Variants in POLD3 observed in about 807,000 individuals in gnomAD.
POLD3 encodes the protein DNA polymerase delta 3, accessory subunit, also known as DNA polymerase delta subunit 3.
A neutral mutation model predicts 58.2 loss-of-function variants in POLD3; 19 were observed. The ratio of observed to expected loss-of-function variants is 0.33; its 90% confidence interval spans 0.23 to 0.48. The LOEUF (loss-of-function observed/expected upper bound fraction) is 0.48. Ranked by LOEUF, POLD3 falls within the 20% of genes least tolerant of loss-of-function variation. The probability of loss-of-function intolerance (pLI) is 0.99; values close to 1 mark genes in which losing one functional copy is unlikely to be tolerated. For synonymous variants in POLD3, 172 were observed against 193.5 expected (o/e 0.89, Z 0.92); for missense variants, 504 against 545.5 (o/e 0.92, Z 0.76).
intron 4 of POLD3, among the ~76,000 whole-genome samples, chr11:74,653,333 A>ACACACACACACACG (rs58331480): frequency 1.2e-3 from 178 of 151,714 alleles, no homozygotes; most frequent in African/African-American, 4.1e-3. Context: ...ACACACACAC[A>ACACACACACACACG]TAGTGTGGTC....
intron 5 of POLD3, among the ~76,000 whole-genome samples, chr11:74,613,736 T>G (rs867672679): frequency 1.3e-5 from 2 of 152,206 alleles, no homozygotes; most frequent in Non-Finnish European, 2.9e-5. Flanking sequence ...AAATAACTCA[T>G]GAGTACCTAT....
At position 74,592,732 on chromosome 11, in the gene POLD3, A is replaced by C. The variant is rs772604259; in HGVS notation, c.60+14A>C. 1 of 1,613,868 alleles carries C rather than the reference A, an allele frequency of 6.2e-7. No homozygotes were observed. The highest frequency in any genetic ancestry group is 8.5e-7 in the Non-Finnish European group (1 of 1,179,856). On this transcript the variant is annotated intron_variant, in intron 1 of 11. Coordinates refer to ENST00000263681, the MANE Select transcript of POLD3 (RefSeq NM_006591.3). ...CAAAACAAGATCGTGAGCAGCTACTACTGGGGAACGCGGGCGTGCGACCGG... is the reference window on the plus strand; with the variant it reads ...CAAAACAAGATCGTGAGCAGCTACTCCTGGGGAACGCGGGCGTGCGACCGG...
In POLD3 at chr11:74,642,187, CT is replaced by C. The variant is rs1290287689; in HGVS notation, c.*1424del. 8 of 985,320 alleles carry C rather than the reference CT, an allele frequency of 8.1e-6. No homozygotes were observed. Among genetic ancestry groups the C allele is most frequent in the Middle Eastern group, 5.2e-4 (1 of 1,936 alleles). 61.0% of individuals were successfully genotyped at this position (985,320 alleles called of 1,614,324 possible). On this transcript the variant is annotated 3_prime_UTR_variant, in exon 12 of 12. Transcript: ENST00000263681. ...CTGACTTTGGGATTAACATGAGCTT[CT>C]TTAGCAACCAAGCATGAACTTGATT... is the stretch of plus-strand genomic sequence containing the variant.
chr11:74,637,894 C>G (rs958186787), intron 11 of POLD3, among the ~76,000 whole-genome samples: 19 of 151,742 alleles, frequency 1.3e-4, no homozygotes, highest in African/African-American at 4.6e-4. Flanking sequence ...CTGCTTTCCT[C>G]TCTCTGCTCA....
intron 3 of POLD3, among the ~76,000 whole-genome samples, chr11:74,607,251 T>C (rs1237538027): frequency 7.1e-6 from 1 of 140,034 alleles, no homozygotes; most frequent in African/African-American, 2.7e-5. Context: ...TATATATTTA[T>C]TTATTTATTT....
rs1165411033 is a variant in POLD3 at position 74,634,613 on chromosome 11, C to T, written c.1037C>T (p.Ala346Val). ...VFPDSPGAYE[A>V]ESPSPPPPPS... ...CCAGACTCTCCTGGGGCTTATGAAG[C>T]TGAGTCACCATCCCCACCTCCTCCT... is the stretch of plus-strand genomic sequence containing the variant. Residue 346 changes from alanine (A) to valine (V), a missense_variant, in exon 10 of 12, where the codon GCT becomes GTT. By Grantham distance (64) the Ala-to-Val change is moderately conservative. This residue lies in a region of POLD3 where 385 missense variants were observed against 370.5 expected (regional missense o/e 1.04). Transcript: ENST00000263681. 1.2e-6 allele frequency: 2 copies of T among 1,611,556 alleles called. No homozygotes were observed. Among genetic ancestry groups the T allele is most frequent in the Non-Finnish European group, 1.7e-6 (2 of 1,177,770 alleles).
At chr11:74,646,269 G>A (rs1289109050), downstream of POLD3, among the ~76,000 whole-genome samples, 5 of 152,084 alleles carry the variant, frequency 3.3e-5, no homozygotes, top group East Asian at 1.9e-4. Context: ...CACCGCGCCC[G>A]GCCTGATTTT....
At chr11:74,612,202 T>G (rs888396442) in intron 4 of POLD3, among the ~76,000 whole-genome samples, 3 of 152,160 alleles carry the variant, frequency 2.0e-5, no homozygotes, top group African/African-American at 7.2e-5. Flanking sequence ...GTGGGGGTAT[T>G]TTACCAAATT....
intron 2 of POLD3, among the ~76,000 whole-genome samples, chr11:74,597,211 A>G (rs926947916): frequency 1.3e-5 from 2 of 152,218 alleles, no homozygotes; most frequent in African/African-American, 4.8e-5. Flanking sequence ...CATTCCCACC[A>G]ACAATGTATA....
rs1478003148 is a variant in POLD3, at chr11:74,640,710, G to T, written c.1345G>T (p.Ala449Ser). 1 of 1,611,798 alleles carries T rather than the reference G, an allele frequency of 6.2e-7. No homozygotes were observed. Among genetic ancestry groups the T allele is most frequent in the Admixed American group, 1.7e-5 (1 of 59,478 alleles). Reference protein sequence around the residue: ...ERKGPKKGTAALGKANRQVSI... With the variant: ...ERKGPKKGTASLGKANRQVSI... ...AAAGGGCCCCAAGAAAGGGACTGCT[G>T]CTCTGGGCAAAGCCAACAGACAGGT... is the stretch of plus-strand genomic sequence containing the variant. The change falls in exon 12 of 12, where the codon GCT (alanine) becomes TCT (serine). Residue 449 changes from alanine to serine, a missense_variant. By Grantham distance (99) the Ala-to-Ser change is moderately conservative (BLOSUM62 1). This residue lies in a region of POLD3 where 385 missense variants were observed against 370.5 expected (regional missense o/e 1.04). Transcript: ENST00000263681.
At chr11:74,605,006 T>C (rs1012264692) in intron 3 of POLD3, among the ~76,000 whole-genome samples, 2 of 152,230 alleles carry the variant, frequency 1.3e-5, no homozygotes, top group African/African-American at 4.8e-5. Context: ...ACTGTATCAT[T>C]ATTATGCAAT....
chr11:74,668,752 C>G (rs2033303439), intron 4 of POLD3: 6 of 1,279,260 alleles, frequency 4.7e-6, no homozygotes, highest in Non-Finnish European at 6.1e-6. Context: ...ATAGAGTTTT[C>G]CTTTCTGTTG....
At chr11:74,629,471 G>T in intron 9 of POLD3, 148 bp downstream of exon 9, 1 of 512,592 alleles carries the variant, frequency 2.0e-6, no homozygotes, top group Non-Finnish European at 3.4e-6. Context: ...TTTGAAATCT[G>T]CATTAGCCTT....
At position 74,636,813 on chromosome 11, in the gene POLD3, G is replaced by T. The variant is rs534682379; in HGVS notation, c.1198+538G>T. Among the ~76,000 whole-genome samples, 4 of 152,200 alleles carry T rather than the reference G, an allele frequency of 2.6e-5. No individual in the cohort carries two copies. In the East Asian group the frequency reaches 7.7e-4, roughly 29 times the overall value. Reference sequence around the variant, plus strand: ...GACTCATCGAGATTGCTTCCTTTATGTTTCCTATTTGTAAGCCATGTTAGG... The same window carrying T: ...GACTCATCGAGATTGCTTCCTTTATTTTTCCTATTTGTAAGCCATGTTAGG... On this transcript the variant is annotated intron_variant, in intron 11 of 11. Transcript: ENST00000263681.
chr11:74,606,522 A>G (rs2031683061), intron 3 of POLD3, among the ~76,000 whole-genome samples: 1 of 152,236 alleles, frequency 6.6e-6, no homozygotes, highest in Non-Finnish European at 1.5e-5. Flanking sequence ...AGAATCTGAA[A>G]GAAAAATGCA....
In POLD3 at chr11:74,641,954, A is replaced by G. The variant is rs1471478863; in HGVS notation, c.*1188A>G. The stretch of plus-strand genomic sequence containing the variant: ...CAATGATAACCTTCAAGTGACTTCC[A>G]TTATGGCTGGACAGGCGGTGAGCTC... On this transcript the variant is annotated 3_prime_UTR_variant, in exon 12 of 12. Transcript: ENST00000263681. 1 of 985,358 alleles carries G rather than the reference A, an allele frequency of 1.0e-6. No individual in the cohort carries two copies. Among genetic ancestry groups the G allele is most frequent in the Non-Finnish European group, 1.2e-6 (1 of 829,946 alleles). The allele number at this position is 985,358 out of a possible 1,614,324, so 61.0% of individuals were successfully genotyped here.
chr11:74,597,013 A>G (rs4944911), intron 2 of POLD3, among the ~76,000 whole-genome samples: 130,556 of 152,262 alleles, frequency 0.86, 56,492 homozygotes, highest in African/African-American at 0.97. Flanking sequence ...ATGGACATTT[A>G]TTGATTCCAT....
chr11:74,642,883 A>G lies in POLD3; in HGVS notation c.*2117A>G. The G allele has an allele frequency of 1.0e-6, 1 of 985,248 alleles. No homozygotes were observed. Among genetic ancestry groups the G allele is most frequent in the Non-Finnish European group, 1.2e-6 (1 of 829,824 alleles). 61.0% of individuals were successfully genotyped at this position (985,248 alleles called of 1,614,324 possible). Reference sequence around the variant, plus strand: ...GATGAACAAGTTATTTGCTGCCTTCATCGTTTTTTTCAGCACTGGGGAAAT... The same window carrying G: ...GATGAACAAGTTATTTGCTGCCTTCGTCGTTTTTTTCAGCACTGGGGAAAT... On this transcript the variant is annotated 3_prime_UTR_variant, in exon 12 of 12. Transcript: ENST00000263681.
At chr11:74,608,598 G>C (rs2031778044) in intron 3 of POLD3, among the ~76,000 whole-genome samples, 1 of 152,128 alleles carries the variant, frequency 6.6e-6, no homozygotes, top group Non-Finnish European at 1.5e-5. Context: ...CTCCACTCTG[G>C]TCTGCATTGT....
Sources: allele counts gnomAD v4.1 joint callset (sites outside exome capture counted in the v4.1 genomes callset), GRCh38; gene constraint gnomAD v4.1.1; regional missense constraint gnomAD v4.1.1; transcripts MANE v1.5; gene names NCBI Gene and HGNC (gene_info 2026-07-23, HGNC 2026-07-21).